The following ARB2A variants were observed in gnomAD, a reference collection of about 807,000 sequenced individuals.
The protein encoded by ARB2A is cotranscriptional regulator ARB2A.
At chr5:93,866,535 A>G in the ARB2A span, among the ~76,000 whole-genome samples, 1 of 152,158 alleles carries the variant, frequency 6.6e-6, no homozygotes, top group Non-Finnish European at 1.5e-5. Context: ...AAAAAAACAG[A>G]GGGATGAACT....
At chr5:93,888,825 C>T in the ARB2A span, among the ~76,000 whole-genome samples, 21 of 151,762 alleles carry the variant, frequency 1.4e-4, no homozygotes, top group African/African-American at 3.9e-4. Flanking sequence ...TATATCAGTG[C>T]TTGTGGTGCT....
the ARB2A span, among the ~76,000 whole-genome samples, chr5:94,060,295 T>C: frequency 6.6e-6 from 1 of 151,946 alleles, no homozygotes; most frequent in Admixed American, 6.6e-5. Flanking sequence ...GAGGTTGCAG[T>C]GAGCCAAGAT....
chr5:93,659,348 A>C, the ARB2A span, among the ~76,000 whole-genome samples: 1 of 152,232 alleles, frequency 6.6e-6, no homozygotes, highest in East Asian at 1.9e-4. Context: ...TTTTGACAGC[A>C]AATGTGCAGG....
the ARB2A span, among the ~76,000 whole-genome samples, chr5:93,989,973 G>A: frequency 6.6e-6 from 1 of 152,002 alleles, no homozygotes; most frequent in Non-Finnish European, 1.5e-5. Context: ...ATGTTTGAAT[G>A]ACTTTGTGCT....
At chr5:93,780,420 G>A in the ARB2A span, among the ~76,000 whole-genome samples, 1 of 152,298 alleles carries the variant, frequency 6.6e-6, no homozygotes, top group South Asian at 2.1e-4. Flanking sequence ...CTCTCCTCAA[G>A]AGGCTGGCTT....
chr5:93,659,137 C>A, the ARB2A span, among the ~76,000 whole-genome samples: 2 of 151,888 alleles, frequency 1.3e-5, no homozygotes, highest in Non-Finnish European at 2.9e-5. Flanking sequence ...ACCTGTGATG[C>A]TATATAAAAA....
At chr5:93,980,156 G>A in the ARB2A span, among the ~76,000 whole-genome samples, 1 of 152,028 alleles carries the variant, frequency 6.6e-6, no homozygotes, top group Non-Finnish European at 1.5e-5. Context: ...TATTAATTCA[G>A]TTTGCTTCTT....
the ARB2A span, chr5:93,784,257 A>G: frequency 1.5e-6 from 1 of 666,902 alleles, no homozygotes. Flanking sequence ...AGCTTTTTCT[A>G]TTTCCTCTCA....
the ARB2A span, among the ~76,000 whole-genome samples, chr5:93,986,158 CTGGGAAGTGAGGA>C: frequency 6.7e-6 from 1 of 149,684 alleles, no homozygotes; most frequent in African/African-American, 2.5e-5. Flanking sequence ...GCCACCCAGT[CTGGGAAGTGAGGA>C]GCGCCTCTGC....
chr5:93,640,572 G>A, the ARB2A span, among the ~76,000 whole-genome samples: 2 of 145,842 alleles, frequency 1.4e-5, no homozygotes, highest in African/African-American at 2.7e-5. Flanking sequence ...GTGTGTGTGT[G>A]TATGTGTGTG....
the ARB2A span, chr5:93,881,786 T>G: frequency 1.5e-6 from 1 of 664,644 alleles, no homozygotes; most frequent in Non-Finnish European, 2.3e-6. Flanking sequence ...AATTTTTATA[T>G]AGTTGCATAT....
the ARB2A span, among the ~76,000 whole-genome samples, chr5:93,870,450 GCTTT>G: frequency 9.2e-5 from 14 of 152,282 alleles, no homozygotes; most frequent in East Asian, 2.7e-3. Context: ...TTAATAAACT[GCTTT>G]CTTTCATTGT....
At chr5:93,960,557 C>T in the ARB2A span, among the ~76,000 whole-genome samples, 1 of 152,138 alleles carries the variant, frequency 6.6e-6, no homozygotes, top group Non-Finnish European at 1.5e-5. Flanking sequence ...AAAATAAAAC[C>T]TAGCACATTG....
the ARB2A span, among the ~76,000 whole-genome samples, chr5:93,915,901 A>G: frequency 6.6e-6 from 1 of 152,046 alleles, no homozygotes; most frequent in African/African-American, 2.4e-5. Context: ...GTGTGATGAG[A>G]AAGAGTTCTA....
At chr5:93,734,157 C>T in the ARB2A span, 6 of 152,060 alleles carry the variant, frequency 3.9e-5, no homozygotes, top group African/African-American at 1.4e-4. Context: ...AGAAATTGTT[C>T]CTTATGATAA....
At chr5:94,030,676 T>C in the ARB2A span, among the ~76,000 whole-genome samples, 5 of 152,238 alleles carry the variant, frequency 3.3e-5, no homozygotes, top group South Asian at 1.0e-3. Context: ...CCATCAAAAC[T>C]CATGTTGAAA....
At chr5:93,731,190 G>C in the ARB2A span, among the ~76,000 whole-genome samples, 1 of 152,074 alleles carries the variant, frequency 6.6e-6, no homozygotes, top group Non-Finnish European at 1.5e-5. Context: ...GAAGTCCCAA[G>C]CTCCAGTATC....
At chr5:93,786,870 A>G in the ARB2A span, among the ~76,000 whole-genome samples, 11 of 152,184 alleles carry the variant, frequency 7.2e-5, no homozygotes, top group Admixed American at 2.0e-4. Flanking sequence ...CAGACCTTAG[A>G]TGAAATATAG....
At chr5:93,831,354 G>C in the ARB2A span, among the ~76,000 whole-genome samples, 2 of 150,364 alleles carry the variant, frequency 1.3e-5, no homozygotes, top group African/African-American at 2.4e-5. Context: ...AAAGTAACTG[G>C]AACTCTTTAG....
Sources: gnomAD v4.1 joint callset for allele counts (sites outside exome capture counted in the v4.1 genomes callset) on GRCh38, gnomAD v4.1.1 for gene constraint, MANE v1.5 for transcripts, NCBI Gene and HGNC (gene_info 2026-07-23, HGNC 2026-07-21) for gene names.